TNFSF4: variants seen among roughly 807,000 people sequenced by gnomAD.
The protein encoded by TNFSF4 is TNF superfamily member 4.
TNFSF4 carries 4 observed loss-of-function variants against 7.3 expected under a neutral mutation model. That is an observed-to-expected ratio of 0.55 (90% CI 0.27 to 1.25). The LOEUF is 1.25. Ranked by LOEUF, TNFSF4 falls within the 50% of genes most tolerant of loss-of-function variation. The probability of loss-of-function intolerance (pLI) is 0.12; values close to 1 mark genes in which losing one functional copy is unlikely to be tolerated. For synonymous variants in TNFSF4, 76 were observed against 83.7 expected (o/e 0.91, Z 0.50); for missense variants, 181 against 208.8 (o/e 0.87, Z 0.82).
At chr1:173,234,687 C>T in the TNFSF4 span, among the ~76,000 whole-genome samples, 3 of 152,134 alleles carry the variant, frequency 2.0e-5, no homozygotes, top group African/African-American at 7.2e-5. Context: ...AGGAAACTAT[C>T]GCAAGGACAG....
the TNFSF4 span, among the ~76,000 whole-genome samples, chr1:173,319,237 G>A: frequency 7.0e-4 from 106 of 152,218 alleles, no homozygotes; most frequent in Admixed American, 2.1e-3. Context: ...GTTTGGACTG[G>A]GCCGAATTCA....
chr1:173,241,678 T>C, the TNFSF4 span, among the ~76,000 whole-genome samples: 1 of 152,244 alleles, frequency 6.6e-6, no homozygotes, highest in Non-Finnish European at 1.5e-5. Context: ...GGAATGAATA[T>C]ACCCATGCCA....
the TNFSF4 span, among the ~76,000 whole-genome samples, chr1:173,253,279 T>A: frequency 6.6e-6 from 1 of 151,594 alleles, no homozygotes; most frequent in South Asian, 2.1e-4. Context: ...GGGAGGGAGG[T>A]CAAAAGTAAG....
chr1:173,217,298 T>C, the TNFSF4 span, among the ~76,000 whole-genome samples: 2 of 152,184 alleles, frequency 1.3e-5, no homozygotes, highest in Non-Finnish European at 2.9e-5. Flanking sequence ...TATTCAGAGT[T>C]CCTTCTTTCC....
At chr1:173,365,914 C>T in the TNFSF4 span, among the ~76,000 whole-genome samples, 1 of 152,120 alleles carries the variant, frequency 6.6e-6, no homozygotes, top group Non-Finnish European at 1.5e-5. Context: ...TATGCAAGTT[C>T]ACACATATAT....
chr1:173,413,754 C>T, the TNFSF4 span, among the ~76,000 whole-genome samples: 1 of 152,218 alleles, frequency 6.6e-6, no homozygotes, highest in Non-Finnish European at 1.5e-5. Flanking sequence ...CCTGCCAATC[C>T]TGTACCCCAG....
chr1:173,326,835 G>A, the TNFSF4 span, among the ~76,000 whole-genome samples: 1 of 152,096 alleles, frequency 6.6e-6, no homozygotes. Context: ...TCTTCAAGGA[G>A]AACTACAAAC....
chr1:173,398,136 A>T, the TNFSF4 span, among the ~76,000 whole-genome samples: 61 of 152,238 alleles, frequency 4.0e-4, no homozygotes, highest in African/African-American at 1.3e-3. Context: ...TCACTGTCCA[A>T]CCTCAGGGGT....
In TNFSF4 at chr1:173,202,070, T is replaced by TATATATATATATACACA. The variant is rs150074641; in HGVS notation, c.153+4953_153+4954insTGTGTATATATATATAT. Among the ~76,000 whole-genome samples, 898 of 149,506 alleles carry TATATATATATATACACA rather than the reference T, an allele frequency of 6.0e-3. 11 individuals carry two copies. The highest frequency in any genetic ancestry group is 0.017 in the African/African-American group (681 of 40,298). ...CTATATATATATACATATATATATA[T>TATATATATATATACACA]ACACACACACATACACATATATATA... On this transcript the variant is annotated intron_variant, in intron 1 of 2. Coordinates refer to ENST00000281834, the MANE Select transcript of TNFSF4 (RefSeq NM_003326.5).
At chr1:173,382,165 T>C in the TNFSF4 span, among the ~76,000 whole-genome samples, 2 of 152,100 alleles carry the variant, frequency 1.3e-5, no homozygotes, top group Non-Finnish European at 2.9e-5. Context: ...GGTCTGCAGC[T>C]TCACTCCTGA....
chr1:173,267,494 A>G, the TNFSF4 span, among the ~76,000 whole-genome samples: 1 of 152,294 alleles, frequency 6.6e-6, no homozygotes, highest in South Asian at 2.1e-4. Context: ...GATAGTAATT[A>G]CCCATTGTGG....
At chr1:173,236,225 C>T in the TNFSF4 span, among the ~76,000 whole-genome samples, 7 of 152,130 alleles carry the variant, frequency 4.6e-5, no homozygotes, top group African/African-American at 1.4e-4. Context: ...CTTCAACACT[C>T]AATGGTCAGG....
the TNFSF4 span, among the ~76,000 whole-genome samples, chr1:173,433,421 G>A: frequency 1.3e-5 from 2 of 152,048 alleles, no homozygotes; most frequent in Non-Finnish European, 2.9e-5. Context: ...TTGGCCAGGC[G>A]AGATGGTTCA....
chr1:173,227,795 C>T, the TNFSF4 span, among the ~76,000 whole-genome samples: 20 of 152,240 alleles, frequency 1.3e-4, no homozygotes, highest in Non-Finnish European at 2.2e-4. Context: ...TTATATCCCA[C>T]GCATGGCTTG....
chr1:173,189,813 G>A (rs576689692), intron 1 of TNFSF4, among the ~76,000 whole-genome samples: 8 of 152,214 alleles, frequency 5.3e-5, no homozygotes, highest in African/African-American at 1.4e-4. Context: ...GAAAAAAATT[G>A]GAAGCCTGAG....
chr1:173,298,522 C>T, the TNFSF4 span, among the ~76,000 whole-genome samples: 4 of 151,806 alleles, frequency 2.6e-5, no homozygotes, highest in Non-Finnish European at 5.9e-5. Flanking sequence ...CTTCCTCACC[C>T]CTTCTTTTTT....
the TNFSF4 span, among the ~76,000 whole-genome samples, chr1:173,399,982 T>C: frequency 6.6e-6 from 1 of 152,212 alleles, no homozygotes; most frequent in South Asian, 2.1e-4. Flanking sequence ...GCTTCCATCA[T>C]GGAAGGGGCA....
At chr1:173,366,985 G>A in the TNFSF4 span, among the ~76,000 whole-genome samples, 9 of 152,282 alleles carry the variant, frequency 5.9e-5, no homozygotes, top group African/African-American at 1.9e-4. Context: ...AAGCCCCTGG[G>A]AGGGGCCCTC....
Position 173,184,733 on chromosome 1 carries a change from A to G in TNFSF4, c.*1783T>C, listed in dbSNP as rs770599897. On this transcript the variant is annotated 3_prime_UTR_variant, in exon 3 of 3. Transcript: ENST00000281834. ...CACACACACACACACAAACACACAC[A>G]CAATCTTCTGAGTAGTGAAGCCAGA... 2.6e-5 allele frequency: 4 copies of G among 152,174 alleles called. No individual in the cohort carries two copies. The highest frequency in any genetic ancestry group is 5.9e-5 in the Non-Finnish European group (4 of 68,034). The allele number at this position is 152,174 out of a possible 1,614,324, so 9.4% of individuals were successfully genotyped here. A position where few individuals can be genotyped will look rare whatever the true frequency, so the allele number is the denominator to read the frequency against.
Sources: allele counts gnomAD v4.1 joint callset (sites outside exome capture counted in the v4.1 genomes callset), GRCh38; gene constraint gnomAD v4.1.1; transcripts MANE v1.5; gene names NCBI Gene and HGNC (gene_info 2026-07-23, HGNC 2026-07-21).